The following GOLGA1 variants were observed in gnomAD, a reference collection of about 807,000 sequenced individuals.
GOLGA1 encodes the protein golgin A1.
GOLGA1 carries 63 observed loss-of-function variants against 119.7 expected under a neutral mutation model. The observed-to-expected ratio is 0.53, with a 90% CI of 0.43 to 0.65. The LOEUF is 0.65. Ranked by LOEUF, GOLGA1 falls within the 30% of genes least tolerant of loss-of-function variation. GOLGA1 has a pLI of 0.00. For synonymous variants in GOLGA1, 318 were observed against 333.4 expected, an observed-to-expected ratio of 0.95 and a Z score of 0.50; for missense variants, 798 against 912.8, an observed-to-expected ratio of 0.87 and a Z score of 1.62.
In GOLGA1 at chr9:124,937,830, C is replaced by A. The variant is rs559727553; in HGVS notation, c.135+747G>T. ...GGGCATGGTGGCTCACGCCTGTAAT[C>A]CCAGCACTTTGGGAGGCCAAGGTGG... is the stretch of plus-strand genomic sequence containing the variant. On this transcript the variant is annotated intron_variant, in intron 3 of 22. Coordinates refer to ENST00000373555, the MANE Select transcript of GOLGA1 (RefSeq NM_002077.4). Among the ~76,000 whole-genome samples, 4 of 152,152 alleles carry A rather than the reference C, an allele frequency of 2.6e-5. No individual in the cohort carries two copies. In the South Asian group the frequency reaches 6.2e-4, roughly 24 times the overall value.
intron 4 of GOLGA1, 151 bp downstream of exon 4, chr9:124,931,165 C>T: frequency 1.9e-6 from 1 of 528,946 alleles, no homozygotes; most frequent in East Asian, 3.1e-5. Flanking sequence ...ACTACACTAA[C>T]AAAAGAAGAG....
chr9:124,902,572 C>T (rs1380569847), intron 12 of GOLGA1, among the ~76,000 whole-genome samples: 2 of 151,680 alleles, frequency 1.3e-5, no homozygotes, highest in East Asian at 1.9e-4. Flanking sequence ...CTGAAAGCTC[C>T]GCCGCCTCCT....
rs1829550038 is a variant in GOLGA1 at position 124,880,525 on chromosome 9, C to A, written c.*5G>T. On this transcript the variant is annotated 3_prime_UTR_variant, in exon 23 of 23. Transcript: ENST00000373555. ...CCACGGAGCTCCATCCTTGGGTAGTCCCCTCTAGGACCATGGTATCCGAGG... is the reference window on the plus strand; with the variant it reads ...CCACGGAGCTCCATCCTTGGGTAGTACCCTCTAGGACCATGGTATCCGAGG... The A allele has an allele frequency of 1.9e-6, 3 of 1,546,194 alleles. No homozygotes were observed. Among genetic ancestry groups the A allele is most frequent in the South Asian group, 1.1e-5 (1 of 89,622 alleles).
chr9:124,881,797 CAA>C lies in GOLGA1; in HGVS notation c.2121_2122del (p.Cys708SerfsTer33). Reference sequence around the variant, plus strand: ...AAAGCCCTTTACCTCGGATTCGCGACAAGACATGAATTTTAAAACCACATGTT... The same window carrying C: ...AAAGCCCTTTACCTCGGATTCGCGACGACATGAATTTTAAAACCACATGTT... On this transcript the variant is annotated frameshift_variant, in exon 21 of 23. Transcript: ENST00000373555. LOFTEE classifies it high-confidence loss of function. The surrounding 1 kb of genome is among the most constrained non-coding windows in gnomAD (Gnocchi z 4.9). The C allele has an allele frequency of 6.2e-7, 1 of 1,610,346 alleles. No individual in the cohort carries two copies. The highest frequency in any genetic ancestry group is 2.2e-5 in the East Asian group (1 of 44,824).
In GOLGA1 at chr9:124,888,126, G is replaced by C; in HGVS notation, c.1905+127C>G. On this transcript the variant is annotated intron_variant, in intron 19 of 22. Coordinates refer to ENST00000373555, the MANE Select transcript of GOLGA1 (RefSeq NM_002077.4). This position sits in a 1 kb window ranked among gnomAD's most constrained non-coding sequence, Gnocchi z 4.4. Reference sequence around the variant, plus strand: ...GATCAGGAGGAAGGCCTTTGGGTGAGAGGGGTCATGGTTGCCAGGAGGTGC... The same window carrying C: ...GATCAGGAGGAAGGCCTTTGGGTGACAGGGGTCATGGTTGCCAGGAGGTGC... 1 of 811,542 alleles carries C rather than the reference G, an allele frequency of 1.2e-6. No individual in the cohort carries two copies. The highest frequency in any genetic ancestry group is 1.7e-5 in the African/African-American group (1 of 59,414). 50.3% of individuals were successfully genotyped at this position (811,542 alleles called of 1,614,324 possible). A position where few individuals can be genotyped will look rare whatever the true frequency, so the allele number is the denominator to read the frequency against.
intron 19 of GOLGA1, among the ~76,000 whole-genome samples, chr9:124,885,476 CTCTG>C (rs1829700162): frequency 7.4e-6 from 1 of 134,784 alleles, no homozygotes; most frequent in African/African-American, 2.9e-5. Flanking sequence ...CAGGGGGAGA[CTCTG>C]TCTCAAAAAA....
chr9:124,919,109 T>A (rs553830493), intron 10 of GOLGA1, among the ~76,000 whole-genome samples: 242 of 151,702 alleles, frequency 1.6e-3, no homozygotes, highest in Non-Finnish European at 2.8e-3. Flanking sequence ...AAAAAAAAAT[T>A]AGCCTGTTGT....
At position 124,881,308 on chromosome 9, in the gene GOLGA1, G is replaced by A. The variant is rs1265858401; in HGVS notation, c.2137-51C>T. 1 of 1,039,860 alleles carries A rather than the reference G, an allele frequency of 9.6e-7. No homozygotes were observed. Among genetic ancestry groups the A allele is most frequent in the Admixed American group, 1.7e-5 (1 of 59,284 alleles). 64.4% of individuals were successfully genotyped at this position (1,039,860 alleles called of 1,614,324 possible). ...ATAGGCCTTGGTGAAGGTGAGGCGG[G>A]GTGGGGTCGGGGGAGCTACGTGGCA... On this transcript the variant is annotated intron_variant, in intron 21 of 22. Transcript: ENST00000373555. The surrounding 1 kb of genome is among the most constrained non-coding windows in gnomAD (Gnocchi z 4.9).
chr9:124,910,225 G>T (rs574471679), intron 11 of GOLGA1, among the ~76,000 whole-genome samples: 1 of 152,056 alleles, frequency 6.6e-6, no homozygotes, highest in African/African-American at 2.4e-5. Flanking sequence ...CACCGCGCCT[G>T]GCCTAATTTT....
chr9:124,922,028 G>A, intron 8 of GOLGA1, 136 bp from the exon 9 acceptor site: 1 of 717,506 alleles, frequency 1.4e-6, no homozygotes, highest in Non-Finnish European at 2.4e-6. Context: ...AGGAGTTTGA[G>A]ACCAGCCTTG....
Position 124,934,816 on chromosome 9 carries a change from G to T in GOLGA1, c.136-3410C>A, listed in dbSNP as rs143600890. Among the ~76,000 whole-genome samples the T allele has an allele frequency of 2.0e-5, 3 of 152,318 alleles. No homozygotes were observed. In the East Asian group the frequency reaches 5.8e-4, roughly 29 times the overall value. ...AGTCCCAGTACTTTGGGAGGCCAAG[G>T]TGGGCAGATCGTTTGAGCCCAGGAG... On this transcript the variant is annotated intron_variant, in intron 3 of 22. Transcript: ENST00000373555.
At chr9:124,898,116 T>C (rs1436746831) in intron 15 of GOLGA1, among the ~76,000 whole-genome samples, 1 of 152,202 alleles carries the variant, frequency 6.6e-6, no homozygotes, top group Admixed American at 6.5e-5. Context: ...GTCCCTGATA[T>C]AAACAAGCAA....
chr9:124,898,699 G>GTCCATGCTCCCTGT, intron 14 of GOLGA1, 55 bp from the exon 15 acceptor site: 1 of 1,022,466 alleles, frequency 9.8e-7, no homozygotes. Flanking sequence ...TATTTCCCTG[G>GTCCATGCTCCCTGT]GCACAGGGAG....
intron 15 of GOLGA1, among the ~76,000 whole-genome samples, chr9:124,892,488 T>A (rs975307790): frequency 2.0e-5 from 3 of 151,760 alleles, no homozygotes; most frequent in African/African-American, 7.3e-5. Flanking sequence ...ATTATAATTA[T>A]TTTTTTGAGA....
chr9:124,937,846 G>T (rs1830907405), intron 3 of GOLGA1, among the ~76,000 whole-genome samples: 1 of 152,046 alleles, frequency 6.6e-6, no homozygotes. Context: ...ACTTTGGGAG[G>T]CCAAGGTGGG....
chr9:124,929,462 CAAGTA>C (rs781321018), intron 4 of GOLGA1, among the ~76,000 whole-genome samples, 172 bp from the exon 5 acceptor site: 2 of 152,146 alleles, frequency 1.3e-5, no homozygotes, highest in Non-Finnish European at 2.9e-5. Flanking sequence ...CACAGGAAAA[CAAGTA>C]TAGTACAAAC....
At chr9:124,901,188 G>A (rs1054647774) in intron 12 of GOLGA1, among the ~76,000 whole-genome samples, 19 of 151,566 alleles carry the variant, frequency 1.3e-4, no homozygotes, top group Non-Finnish European at 8.8e-5. Context: ...AGCCAGGATG[G>A]TCTTGATCTC....
intron 19 of GOLGA1, among the ~76,000 whole-genome samples, chr9:124,883,431 G>C (rs1034140711): frequency 1.5e-4 from 23 of 151,890 alleles, no homozygotes; most frequent in African/African-American, 5.3e-4. Flanking sequence ...GATTACAGTT[G>C]TGTGCCACCA....
chr9:124,899,091 G>C (rs1463619098), intron 14 of GOLGA1, among the ~76,000 whole-genome samples: 1 of 152,216 alleles, frequency 6.6e-6, no homozygotes, highest in Non-Finnish European at 1.5e-5. Flanking sequence ...AGCTACTTGG[G>C]AGGCTGAGGT....
Sources: allele counts gnomAD v4.1 joint callset (sites outside exome capture counted in the v4.1 genomes callset), GRCh38; gene constraint gnomAD v4.1.1; non-coding constraint Gnocchi (gnomAD v3.1); transcripts MANE v1.5; gene names NCBI Gene and HGNC (gene_info 2026-07-23, HGNC 2026-07-21).